The following GPC5 variants were observed in gnomAD, a reference collection of about 807,000 sequenced individuals.
GPC5 encodes the protein glypican 5.
A neutral mutation model predicts 53.9 loss-of-function variants in GPC5; 47 were observed. The observed-to-expected ratio is 0.87, with a 90% CI of 0.69 to 1.11. The LOEUF (loss-of-function observed/expected upper bound fraction) is 1.11. Ranked by LOEUF, GPC5 falls within the 50% of genes most tolerant of loss-of-function variation. The pLI, the probability that GPC5 is intolerant of heterozygous loss-of-function variation, is 0.00. For missense variants in GPC5, 748 were observed against 713.1 expected, an observed-to-expected ratio of 1.05 and a Z score of -0.56; for synonymous variants, 286 against 263.3, an observed-to-expected ratio of 1.09 and a Z score of -0.84.
At chr13:91,498,468 G>A (rs571825466) in intron 2 of GPC5, among the ~76,000 whole-genome samples, 1 of 152,122 alleles carries the variant, frequency 6.6e-6, no homozygotes, top group East Asian at 1.9e-4. Context: ...GATGGTTTAT[G>A]TAAGAAGGGA....
rs1555306372 is a variant in GPC5 at position 91,432,230 on chromosome 13, T to TGGGG, written c.164-16530_164-16529insGGGG. Among the ~76,000 whole-genome samples, 264 of 150,702 alleles carry TGGGG rather than the reference T, an allele frequency of 1.8e-3. 1 individual carries two copies. The highest frequency in any genetic ancestry group is 4.9e-3 in the African/African-American group (199 of 40,422). On this transcript the variant is annotated intron_variant, in intron 1 of 7. Transcript: ENST00000377067. Reference sequence around the variant, plus strand: ...GTGTGTGTGTGTGTGTGTGTGTGTGTGTGTGTGTGTGTGTGTGTGTATGTT... The same window carrying TGGGG: ...GTGTGTGTGTGTGTGTGTGTGTGTGTGGGGGTGTGTGTGTGTGTGTGTGTATGTT...
intron 5 of GPC5, among the ~76,000 whole-genome samples, chr13:91,847,656 T>C (rs2038867222): frequency 6.6e-6 from 1 of 152,212 alleles, no homozygotes; most frequent in East Asian, 1.9e-4. Context: ...GGTTAAAATA[T>C]GTATTTAGTA....
chr13:92,478,857 TA>T (rs1369560034), intron 7 of GPC5, among the ~76,000 whole-genome samples: 1 of 152,206 alleles, frequency 6.6e-6, no homozygotes, highest in Non-Finnish European at 1.5e-5. Flanking sequence ...TAGTATTTAA[TA>T]TATGCATTAT....
chr13:91,494,880 C>A (rs1251800050), intron 2 of GPC5, among the ~76,000 whole-genome samples: 1 of 152,158 alleles, frequency 6.6e-6, no homozygotes, highest in African/African-American at 2.4e-5. Flanking sequence ...TTATTTTCTT[C>A]TTTTCATCTG....
chr13:92,582,320 G>A (rs1883397891), intron 7 of GPC5, among the ~76,000 whole-genome samples: 1 of 151,966 alleles, frequency 6.6e-6, no homozygotes, highest in African/African-American at 2.4e-5. Context: ...CCCATTGTGT[G>A]TTTTTGGTAC....
chr13:92,372,541 T>C (rs542376800), intron 7 of GPC5, among the ~76,000 whole-genome samples: 1 of 152,296 alleles, frequency 6.6e-6, no homozygotes, highest in African/African-American at 2.4e-5. Flanking sequence ...GTTTGAAAAT[T>C]ATAATATAGA....
intron 2 of GPC5, among the ~76,000 whole-genome samples, chr13:91,573,071 A>T (rs919270002): frequency 6.6e-6 from 1 of 152,152 alleles, no homozygotes; most frequent in Non-Finnish European, 1.5e-5. Flanking sequence ...TTCTTCAGTG[A>T]TCTCCTGATG....
chr13:92,373,495 T>C (rs12429161), intron 7 of GPC5, among the ~76,000 whole-genome samples: 4,424 of 152,274 alleles, frequency 0.029, 134 homozygotes, highest in East Asian at 0.11. Context: ...TTCTAAGTTC[T>C]CACATGAGAA....
At chr13:91,794,986 G>C (rs1291296861) in intron 5 of GPC5, among the ~76,000 whole-genome samples, 1 of 152,126 alleles carries the variant, frequency 6.6e-6, no homozygotes, top group African/African-American at 2.4e-5. Flanking sequence ...AGGAAGAAAC[G>C]AAGGGAGGGA....
intron 7 of GPC5, among the ~76,000 whole-genome samples, chr13:92,616,501 C>G (rs1884696089): frequency 6.6e-6 from 1 of 152,134 alleles, no homozygotes; most frequent in Non-Finnish European, 1.5e-5. Context: ...ATGAATACTA[C>G]AAAATACTTC....
At chr13:92,070,511 G>A (rs2041202191) in intron 6 of GPC5, among the ~76,000 whole-genome samples, 1 of 152,118 alleles carries the variant, frequency 6.6e-6, no homozygotes, top group Non-Finnish European at 1.5e-5. Context: ...CAGATAATTA[G>A]CACCACTTTT....
chr13:92,219,778 C>A (rs2042435935), intron 7 of GPC5, among the ~76,000 whole-genome samples: 1 of 152,130 alleles, frequency 6.6e-6, no homozygotes, highest in Admixed American at 6.5e-5. Flanking sequence ...TCCCCTCCTG[C>A]AACCAATCAG....
intron 7 of GPC5, among the ~76,000 whole-genome samples, chr13:92,422,532 A>ACACACAC: frequency 7.6e-6 from 1 of 131,094 alleles, no homozygotes; most frequent in South Asian, 2.2e-4. Flanking sequence ...ACACACACAC[A>ACACACAC]ACTTCTTGGA....
At chr13:91,517,143 T>C (rs1245160757) in intron 2 of GPC5, among the ~76,000 whole-genome samples, 2 of 152,212 alleles carry the variant, frequency 1.3e-5, no homozygotes, top group Admixed American at 1.3e-4. Context: ...TTGCTACTTA[T>C]GCAAATTTCT....
At chr13:91,509,895 A>G (rs1885147828) in intron 2 of GPC5, among the ~76,000 whole-genome samples, 1 of 152,110 alleles carries the variant, frequency 6.6e-6, no homozygotes, top group Admixed American at 6.5e-5. Flanking sequence ...TAGTTGTAGT[A>G]TTTCTGATCC....
At chr13:92,846,936 C>T (rs545025248) in intron 7 of GPC5, among the ~76,000 whole-genome samples, 1 of 152,288 alleles carries the variant, frequency 6.6e-6, no homozygotes, top group South Asian at 2.1e-4. Context: ...GGTGTTAGAA[C>T]TATACACCTC....
chr13:91,654,586 A>G (rs1448121688), intron 2 of GPC5, among the ~76,000 whole-genome samples: 1 of 152,194 alleles, frequency 6.6e-6, no homozygotes, highest in Non-Finnish European at 1.5e-5. Context: ...TACTTTATAC[A>G]CTGTCTCTGG....
intron 7 of GPC5, among the ~76,000 whole-genome samples, chr13:92,779,843 A>T (rs1875955806): frequency 6.6e-6 from 1 of 152,148 alleles, no homozygotes; most frequent in South Asian, 2.1e-4. Flanking sequence ...TAAACCAGAA[A>T]CCTAAATTCT....
chr13:91,750,414 C>T (rs1005406627), intron 4 of GPC5, among the ~76,000 whole-genome samples: 1 of 152,158 alleles, frequency 6.6e-6, no homozygotes, highest in Non-Finnish European at 1.5e-5. Context: ...GGACTGTTAA[C>T]ATCTCCCTGC....
Sources: allele counts gnomAD v4.1 joint callset (sites outside exome capture counted in the v4.1 genomes callset), GRCh38; gene constraint gnomAD v4.1.1; transcripts MANE v1.5; gene names NCBI Gene and HGNC (gene_info 2026-07-23, HGNC 2026-07-21).